Variants in RABGEF1 observed in about 807,000 individuals in gnomAD.
RABGEF1 encodes the protein rab5 GDP/GTP exchange factor.
In RABGEF1, 26 loss-of-function variants were observed where a neutral mutation model predicts 57.3. The ratio of observed to expected loss-of-function variants is 0.45; its 90% CI spans 0.33 to 0.63. RABGEF1 has a LOEUF of 0.63. Ranked by LOEUF, RABGEF1 falls within the 20% of genes least tolerant of loss-of-function variation. The probability of loss-of-function intolerance (pLI) is 0.02; values close to 1 mark genes in which losing one functional copy is unlikely to be tolerated. For synonymous variants in RABGEF1, 185 were observed against 210.7 expected, an observed-to-expected ratio of 0.88 and a Z score of 1.06; for missense variants, 464 against 607.6, an observed-to-expected ratio of 0.76 and a Z score of 2.48.
At chr7:66,714,262 A>C (rs1795107435) in intron 2 of RABGEF1, among the ~76,000 whole-genome samples, 1 of 152,184 alleles carries the variant, frequency 6.6e-6, no homozygotes, top group Admixed American at 6.5e-5. Flanking sequence ...GACTATTCCC[A>C]TTCTCTGTTT....
intron 1 of RABGEF1, among the ~76,000 whole-genome samples, chr7:66,759,174 G>C (rs1439430265): frequency 1.3e-5 from 2 of 152,196 alleles, no homozygotes; most frequent in Admixed American, 1.3e-4. Flanking sequence ...TCCTGTGTCA[G>C]CAGTCCCCAG....
Position 66,743,421 on chromosome 7 carries a change from C to A in RABGEF1, c.-18+2629C>A, listed in dbSNP as rs372770877. On this transcript the variant is annotated intron_variant, in intron 1 of 8. Transcript: ENST00000284957. The stretch of plus-strand genomic sequence containing the variant: ...CTCACTGTAGCCTCCACCACCCATG[C>A]TTAAGCTATCCTCTTGTCTCAGCCT... Among the ~76,000 whole-genome samples, 4 of 152,040 alleles carry A rather than the reference C, an allele frequency of 2.6e-5. 1 individual carries two copies. The highest frequency in any genetic ancestry group is 1.5e-5 in the Non-Finnish European group (1 of 67,944).
intron 1 of RABGEF1, among the ~76,000 whole-genome samples, chr7:66,758,893 T>C (rs1280545493): frequency 1.3e-5 from 2 of 152,228 alleles, no homozygotes; most frequent in African/African-American, 4.8e-5. Context: ...TAACTAAACT[T>C]TAAAATTTGG....
Position 66,783,320 on chromosome 7 carries a change from T to C in RABGEF1, c.347-355T>C, listed in dbSNP as rs561798286. Among the ~76,000 whole-genome samples the C allele has an allele frequency of 6.0e-4, 91 of 152,332 alleles. 1 individual carries two copies. The South Asian group carries it at 0.012, about 20-fold the overall frequency. The stretch of plus-strand genomic sequence containing the variant: ...ATTGTTATTCTATTTGTTGACTAGT[T>C]TTATAAACTCCAGCAGTCTTTGAGA... On this transcript the variant is annotated intron_variant, in intron 3 of 8. Transcript: ENST00000284957.
the RABGEF1 span, among the ~76,000 whole-genome samples, chr7:66,658,548 AAAAG>A: frequency 6.6e-6 from 1 of 151,942 alleles, no homozygotes; most frequent in African/African-American, 2.4e-5. Flanking sequence ...AAAAAAAAAA[AAAAG>A]AAAAAGAAAA....
chr7:66,778,565 G>A (rs961300952), intron 3 of RABGEF1, among the ~76,000 whole-genome samples: 2 of 152,138 alleles, frequency 1.3e-5, no homozygotes, highest in Non-Finnish European at 2.9e-5. Flanking sequence ...TTTCATGAAC[G>A]GATCTGAAGA....
chr7:66,723,466 A>G (rs1010146290), intron 2 of RABGEF1, among the ~76,000 whole-genome samples: 2 of 152,192 alleles, frequency 1.3e-5, no homozygotes, highest in Non-Finnish European at 2.9e-5. Context: ...CCATACTTTC[A>G]TTTCAATCTT....
chr7:66,773,961 T>C, intron 2 of RABGEF1: 1 of 374,464 alleles, frequency 2.7e-6, no homozygotes, highest in Non-Finnish European at 5.2e-6. Context: ...CCACTGCACC[T>C]GGCCTGTGTT....
chr7:66,762,903 A>G (rs1157570643), intron 1 of RABGEF1, among the ~76,000 whole-genome samples: 1 of 152,236 alleles, frequency 6.6e-6, no homozygotes, highest in African/African-American at 2.4e-5. Flanking sequence ...CTGGACAGCA[A>G]GGGCCACAGC....
At chr7:66,763,584 G>A (rs891675263) in intron 1 of RABGEF1, among the ~76,000 whole-genome samples, 6 of 152,178 alleles carry the variant, frequency 3.9e-5, no homozygotes, top group Non-Finnish European at 7.3e-5. Flanking sequence ...TTAAGTGACA[G>A]CCATTACCAC....
intron 1 of RABGEF1, among the ~76,000 whole-genome samples, chr7:66,756,294 G>C (rs555889458): frequency 6.6e-6 from 1 of 152,194 alleles, no homozygotes; most frequent in Non-Finnish European, 1.5e-5. Context: ...CTATGCTTAT[G>C]AGGTTATGGG....
chr7:66,788,000 T>C (rs1188849401), intron 4 of RABGEF1, among the ~76,000 whole-genome samples: 2 of 152,246 alleles, frequency 1.3e-5, no homozygotes, highest in African/African-American at 4.8e-5. Context: ...GCTCAAACTA[T>C]TTAAATCCTG....
Position 66,783,943 on chromosome 7 carries a change from C to A in RABGEF1, c.513+102C>A, listed in dbSNP as rs535449747. On this transcript the variant is annotated intron_variant, in intron 4 of 8. Coordinates refer to ENST00000284957, the MANE Select transcript of RABGEF1 (RefSeq NM_014504.3). ...TGTCATTTTATGCCTGAGAAAAATC[C>A]AGACCAAGAGATGTTAAATTACTTA... is the stretch of plus-strand genomic sequence containing the variant. 8.2e-5 allele frequency: 94 copies of A among 1,149,696 alleles called. No individual in the cohort carries two copies. In the African/African-American group the frequency reaches 1.0e-3, roughly 12 times the overall value. 71.2% of individuals were successfully genotyped at this position (1,149,696 alleles called of 1,614,324 possible). A position where few individuals can be genotyped will look rare whatever the true frequency, so the allele number is the denominator to read the frequency against.
chr7:66,696,672 A>G, intron 1 of RABGEF1, among the ~76,000 whole-genome samples: 1 of 139,062 alleles, frequency 7.2e-6, no homozygotes, highest in South Asian at 2.3e-4. Flanking sequence ...CCTGGGTGAC[A>G]GGGCGAGACT....
At chr7:66,752,612 G>T (rs768721141) in intron 1 of RABGEF1, among the ~76,000 whole-genome samples, 1 of 152,146 alleles carries the variant, frequency 6.6e-6, no homozygotes. Context: ...GGACATTTTC[G>T]TAATTGTGGT....
intron 1 of RABGEF1, among the ~76,000 whole-genome samples, chr7:66,683,393 T>C (rs1790084529): frequency 6.6e-6 from 1 of 152,254 alleles, no homozygotes; most frequent in Non-Finnish European, 1.5e-5. Context: ...TTTTAAGAGT[T>C]ACTGATTCAT....
chr7:66,790,565 G>A (rs1174706529), intron 4 of RABGEF1, among the ~76,000 whole-genome samples: 3 of 152,152 alleles, frequency 2.0e-5, no homozygotes, highest in African/African-American at 7.2e-5. Context: ...GCCCCTTAGC[G>A]CCGCCCTTGT....
the RABGEF1 span, chr7:66,668,982 G>A: frequency 6.6e-6 from 1 of 152,308 alleles, no homozygotes; most frequent in African/African-American, 2.4e-5. Context: ...TGTCCCAGGA[G>A]CTTGCGGGCT....
the RABGEF1 span, among the ~76,000 whole-genome samples, chr7:66,666,935 C>G: frequency 6.6e-6 from 1 of 152,194 alleles, no homozygotes; most frequent in Non-Finnish European, 1.5e-5. Context: ...GAGCTGGCCT[C>G]AGGCAGCAAG....
Sources: allele counts gnomAD v4.1 joint callset (sites outside exome capture counted in the v4.1 genomes callset), GRCh38; gene constraint gnomAD v4.1.1; transcripts MANE v1.5; gene names NCBI Gene and HGNC (gene_info 2026-07-23, HGNC 2026-07-21).